The following RBP4 variants were observed in gnomAD, a reference collection of about 807,000 sequenced individuals.
RBP4 encodes retinol binding protein 4, also known as retinol-binding protein 4.
Under a neutral mutation model 26.2 loss-of-function variants are expected in RBP4, and 9 were observed. The observed-to-expected ratio is 0.34, with a 90% confidence interval of 0.21 to 0.60. RBP4 has a LOEUF of 0.60. Among genes scored for constraint, RBP4 ranks in the 20% least tolerant of loss-of-function variants. The probability of loss-of-function intolerance (pLI) is 0.80; values close to 1 mark genes in which losing one functional copy is unlikely to be tolerated. For synonymous variants in RBP4, 114 were observed against 111.0 expected (o/e 1.03, Z -0.17); for missense variants, 244 against 271.3 (o/e 0.90, Z 0.71).
At position 93,601,022 on chromosome 10, in the gene RBP4, A is replaced by T; in HGVS notation, c.7T>A (p.Trp3Arg). 1 of 1,610,750 alleles carries T rather than the reference A, an allele frequency of 6.2e-7. No homozygotes were observed. Among genetic ancestry groups the T allele is most frequent in the Non-Finnish European group, 8.5e-7 (1 of 1,179,628 alleles). ...GCCAACAGCAAGAGCGCCCACACCCACTTCATCTTGCCCAGGAATCCGCCC... is the reference window on the plus strand; with the variant it reads ...GCCAACAGCAAGAGCGCCCACACCCTCTTCATCTTGCCCAGGAATCCGCCC... MKWVWALLLLAAL... is the reference protein window; with the variant it reads MKRVWALLLLAAL... Residue 3 changes from tryptophan (W) to arginine (R), a missense_variant, in exon 2 of 6, where the codon TGG becomes AGG. Transcript: ENST00000371464.
In RBP4 at chr10:93,601,234, G is replaced by A; in HGVS notation, c.-82C>T. 7.3e-6 allele frequency: 9 copies of A among 1,237,448 alleles called. No homozygotes were observed. The highest frequency in any genetic ancestry group is 9.0e-6 in the Non-Finnish European group (9 of 994,934). The allele number at this position is 1,237,448 out of a possible 1,614,324, so 76.7% of individuals were successfully genotyped here. On this transcript the variant is annotated 5_prime_UTR_variant, in exon 1 of 6. Transcript: ENST00000371464. ...TCCGGGCGCGCGTGGAGCGAGGGAG[G>A]CGAGCGCGCCGCGGCCGCCCCGCTG...
chr10:93,596,154 C>T (rs952738388), intron 4 of RBP4, among the ~76,000 whole-genome samples: 5 of 151,582 alleles, frequency 3.3e-5, no homozygotes, highest in Admixed American at 6.6e-5. Context: ...AATGTTACCT[C>T]GACTCATGAT....
chr10:93,599,971 C>G (rs963411695), intron 4 of RBP4, among the ~76,000 whole-genome samples: 11 of 152,226 alleles, frequency 7.2e-5, no homozygotes, highest in Admixed American at 2.6e-4. Flanking sequence ...TCCCTCCGTC[C>G]TTGGATAGGG....
intron 4 of RBP4, among the ~76,000 whole-genome samples, chr10:93,594,489 C>T (rs2058290011): frequency 2.6e-5 from 4 of 152,206 alleles, no homozygotes; most frequent in South Asian, 2.1e-4. Context: ...CGATCTCTAT[C>T]GCTGGTTCCT....
chr10:93,599,354 A>C (rs2058321414), intron 4 of RBP4, among the ~76,000 whole-genome samples: 1 of 152,228 alleles, frequency 6.6e-6, no homozygotes, highest in Non-Finnish European at 1.5e-5. Context: ...GGTGTGCCAT[A>C]TATGGAGAGC....
chr10:93,601,129 G>A (rs1048113542), intron 1 of RBP4, 42 bp downstream of exon 1: 2 of 1,117,166 alleles, frequency 1.8e-6, no homozygotes, highest in Non-Finnish European at 1.2e-6. Context: ...CCCCACCCCG[G>A]CCCATCCCGC....
intron 2 of RBP4, 44 bp from the exon 3 acceptor site, chr10:93,600,847 C>T (rs112715571): frequency 1.4e-6 from 1 of 718,628 alleles, no homozygotes; most frequent in Non-Finnish European, 2.1e-6. Context: ...CGGGGGCGCA[C>T]GGCGGGCCGC....
At chr10:93,594,154 T>C (rs2058287629) in intron 4 of RBP4, 119 bp from the exon 5 acceptor site, 1 of 982,862 alleles carries the variant, frequency 1.0e-6, no homozygotes, top group Non-Finnish European at 1.6e-6. Flanking sequence ...TTTATTTCTT[T>C]AGGAAGCAGG....
intron 4 of RBP4, among the ~76,000 whole-genome samples, chr10:93,598,712 C>T (rs1255380994): frequency 6.6e-6 from 1 of 152,210 alleles, no homozygotes; most frequent in African/African-American, 2.4e-5. Context: ...CCTCTCTGAC[C>T]CTGTGCCTAA....
intron 4 of RBP4, among the ~76,000 whole-genome samples, chr10:93,598,413 G>A (rs911098481): frequency 1.1e-4 from 16 of 152,336 alleles, no homozygotes; most frequent in Middle Eastern, 6.8e-3. Context: ...ACAAGTAGTG[G>A]TGGAGTTGGG....
At position 93,600,339 on chromosome 10, in the gene RBP4, T is replaced by C. The variant is rs1369853003; in HGVS notation, c.355+54A>G. The C allele has an allele frequency of 4.0e-6, 6 of 1,486,260 alleles. 1 individual carries two copies. The highest frequency in any genetic ancestry group is 5.6e-6 in the Non-Finnish European group (6 of 1,063,750). 92.1% of individuals were successfully genotyped at this position (1,486,260 alleles called of 1,614,324 possible). Reference sequence around the variant, plus strand: ...ACCTCTGGAGAAGAAACCCAGCGATTTGGCCCGGTAGGCGCCCCATTCCCA... The same window carrying C: ...ACCTCTGGAGAAGAAACCCAGCGATCTGGCCCGGTAGGCGCCCCATTCCCA... On this transcript the variant is annotated intron_variant, in intron 4 of 5. Transcript: ENST00000371464.
chr10:93,600,529 GC>G (rs1341573922), intron 3 of RBP4, 30 bp from the exon 4 acceptor site: 2 of 1,613,282 alleles, frequency 1.2e-6, no homozygotes, highest in African/African-American at 2.7e-5. Context: ...CCTCAGCCAA[GC>G]CGGGCAAAGG....
At chr10:93,600,564 T>A in intron 3 of RBP4, 65 bp from the exon 4 acceptor site, 1 of 1,612,454 alleles carries the variant, frequency 6.2e-7, no homozygotes. Flanking sequence ...CTCCACCCAT[T>A]CGGTGCTCCC....
chr10:93,599,583 G>A (rs2058322863), intron 4 of RBP4, among the ~76,000 whole-genome samples: 1 of 152,086 alleles, frequency 6.6e-6, no homozygotes. Flanking sequence ...CATGTCCTTG[G>A]GCAAAGTTCT....
Position 93,593,850 on chromosome 10 carries a change from T to C in RBP4, c.541A>G (p.Arg181Gly), listed in dbSNP as rs771265283. ...TTGTGGACGATCAGCCTGTACTGCC[T>C]GGCCAGGCACAGCTCCTCCTGCCGC... ...RQRQEELCLA[R>G]QYRLIVHNGY... Residue 181 changes from arginine to glycine, a missense_variant, in exon 5 of 6, where the codon AGG becomes GGG. Arg to Gly is a moderately radical substitution (Grantham distance 125, BLOSUM62 -2). Coordinates refer to ENST00000371464, the MANE Select transcript of RBP4 (RefSeq NM_006744.4). 6.2e-6 allele frequency: 10 copies of C among 1,612,360 alleles called. No individual in the cohort carries two copies. Among genetic ancestry groups the C allele is most frequent in the Admixed American group, 3.3e-5 (2 of 60,008 alleles).
chr10:93,596,234 C>T (rs1177380888), intron 4 of RBP4, among the ~76,000 whole-genome samples: 2 of 151,010 alleles, frequency 1.3e-5, no homozygotes, highest in Non-Finnish European at 2.9e-5. Flanking sequence ...AAAATGGTCG[C>T]CATCATTTAA....
chr10:93,592,759 CTGTT>C lies in RBP4; in HGVS notation c.569-651_569-648del, dbSNP rs1470169627. Among the ~76,000 whole-genome samples the C allele has an allele frequency of 2.0e-5, 3 of 152,092 alleles. No individual in the cohort carries two copies. In the East Asian group the frequency reaches 5.8e-4, roughly 29 times the overall value. On this transcript the variant is annotated intron_variant, in intron 5 of 5. Coordinates refer to ENST00000371464, the MANE Select transcript of RBP4 (RefSeq NM_006744.4). ...ATTTGATTTTGGTCTAAGTTCCCATCTGTTTGGTGTAGTGGGTCAGTTCGTGACC... is the reference window on the plus strand; with the variant it reads ...ATTTGATTTTGGTCTAAGTTCCCATCTGGTGTAGTGGGTCAGTTCGTGACC...
chr10:93,593,521 T>C (rs1304973943), intron 5 of RBP4, among the ~76,000 whole-genome samples: 1 of 152,094 alleles, frequency 6.6e-6, no homozygotes, highest in Non-Finnish European at 1.5e-5. Context: ...TTTGGGGCAG[T>C]GTAGCCAGGG....
intron 4 of RBP4, 49 bp from the exon 5 acceptor site, chr10:93,594,084 C>T (rs2058287080): frequency 1.3e-6 from 2 of 1,576,352 alleles, no homozygotes; most frequent in Non-Finnish European, 1.7e-6. Context: ...CCCTCATGGG[C>T]TCAGATGTCG....
Sources: allele counts gnomAD v4.1 joint callset (sites outside exome capture counted in the v4.1 genomes callset), GRCh38; gene constraint gnomAD v4.1.1; transcripts MANE v1.5; gene names NCBI Gene and HGNC (gene_info 2026-07-23, HGNC 2026-07-21).